The following CERK variants were observed in gnomAD, a reference collection of about 807,000 sequenced individuals.
CERK encodes acylsphingosine kinase.
CERK carries 39 observed loss-of-function variants against 63.4 expected under a neutral mutation model. That is an observed-to-expected ratio of 0.61 (90% CI 0.48 to 0.80). The LOEUF is 0.80. CERK is among the 30% of genes least tolerant of loss of function. The pLI is 0.00. For synonymous variants in CERK, 302 were observed against 280.0 expected, an observed-to-expected ratio of 1.08 and a Z score of -0.78; for missense variants, 670 against 714.1, an observed-to-expected ratio of 0.94 and a Z score of 0.70.
chr22:46,729,939 T>A (rs1346183941), intron 1 of CERK, among the ~76,000 whole-genome samples: 2 of 151,854 alleles, frequency 1.3e-5, no homozygotes, highest in African/African-American at 4.8e-5. Context: ...CTCAGGAGGC[T>A]GAGGCAGGAG....
intron 12 of CERK, among the ~76,000 whole-genome samples, chr22:46,689,434 G>A (rs2082718988): frequency 6.6e-6 from 1 of 152,224 alleles, no homozygotes; most frequent in Non-Finnish European, 1.5e-5. Context: ...GCAGTGGCAT[G>A]GTCTCGGCTC....
chr22:46,710,418 ACT>A (rs1431565051), intron 5 of CERK, among the ~76,000 whole-genome samples: 2 of 151,170 alleles, frequency 1.3e-5, no homozygotes, highest in Non-Finnish European at 2.9e-5. Flanking sequence ...CAAGAGCGAA[ACT>A]CTGCCTCAAA....
At chr22:46,706,069 T>C (rs1162566892) in intron 6 of CERK, among the ~76,000 whole-genome samples, 1 of 152,228 alleles carries the variant, frequency 6.6e-6, no homozygotes, top group Non-Finnish European at 1.5e-5. Context: ...TCTGTGCACC[T>C]TCAGGGGCTG....
chr22:46,697,755 T>C (rs2082763426), intron 8 of CERK, among the ~76,000 whole-genome samples: 1 of 152,224 alleles, frequency 6.6e-6, no homozygotes, highest in Admixed American at 6.5e-5. Context: ...TCCACCTGCC[T>C]TGACCTCCCA....
At chr22:46,707,817 C>A (rs776216685) in intron 6 of CERK, 26 bp downstream of exon 6, 3 of 1,590,160 alleles carry the variant, frequency 1.9e-6, no homozygotes, top group Admixed American at 1.7e-5. Flanking sequence ...ACGAAGAGAA[C>A]AGAGAATGCC....
At chr22:46,702,001 T>G (rs1204084972) in intron 6 of CERK, among the ~76,000 whole-genome samples, 1 of 151,840 alleles carries the variant, frequency 6.6e-6, no homozygotes, top group Non-Finnish European at 1.5e-5. Flanking sequence ...GCCAACATGG[T>G]GAAACTCCGA....
In CERK at chr22:46,689,400, T is replaced by C. The variant is rs999995047; in HGVS notation, c.1541+592A>G. ...TTTGAAATTTTTTTGAGATGGAGTCTCGCTCTGTCACCAAGGCTGGAGTGC... is the reference window on the plus strand; with the variant it reads ...TTTGAAATTTTTTTGAGATGGAGTCCCGCTCTGTCACCAAGGCTGGAGTGC... On this transcript the variant is annotated intron_variant, in intron 12 of 12. Coordinates refer to ENST00000216264, the MANE Select transcript of CERK (RefSeq NM_022766.6). 2.0e-5 allele frequency among the ~76,000 whole-genome samples: 3 copies of C among 152,226 alleles called. 1 individual carries two copies. The highest frequency in any genetic ancestry group is 4.4e-5 in the Non-Finnish European group (3 of 68,038).
chr22:46,724,865 C>A (rs1244782062), intron 1 of CERK, among the ~76,000 whole-genome samples: 2 of 151,914 alleles, frequency 1.3e-5, no homozygotes, highest in East Asian at 1.9e-4. Context: ...TAAAAATACA[C>A]AAAAAATTAG....
At chr22:46,706,232 C>T (rs1404751035) in intron 6 of CERK, among the ~76,000 whole-genome samples, 1 of 152,226 alleles carries the variant, frequency 6.6e-6, no homozygotes, top group Admixed American at 6.5e-5. Context: ...GCCAACCTCC[C>T]TGCCTGTGGG....
At chr22:46,711,716 C>T (rs2082842006) in intron 4 of CERK, among the ~76,000 whole-genome samples, 1 of 152,152 alleles carries the variant, frequency 6.6e-6, no homozygotes, top group Admixed American at 6.5e-5. Flanking sequence ...CTGGAAAATA[C>T]TAAGTTATTT....
At chr22:46,711,064 C>A (rs760002956) in intron 5 of CERK, 22 bp downstream of exon 5, 1 of 1,598,622 alleles carries the variant, frequency 6.3e-7, no homozygotes, top group Non-Finnish European at 8.6e-7. Context: ...GACTTGATGG[C>A]GATGAAAGAC....
intron 9 of CERK, among the ~76,000 whole-genome samples, chr22:46,694,673 C>T (rs1186048637): frequency 6.6e-6 from 1 of 152,130 alleles, no homozygotes; most frequent in Non-Finnish European, 1.5e-5. Flanking sequence ...GCGTGGCTGG[C>T]CTGGGCTCTG....
intron 9 of CERK, among the ~76,000 whole-genome samples, chr22:46,694,985 C>T (rs2082748961): frequency 6.6e-6 from 1 of 152,246 alleles, no homozygotes; most frequent in Non-Finnish European, 1.5e-5. Context: ...AGTCCTCATC[C>T]CTGGCACAGC....
intron 1 of CERK, among the ~76,000 whole-genome samples, chr22:46,728,982 G>A (rs990613613): frequency 1.3e-5 from 2 of 152,190 alleles, no homozygotes; most frequent in East Asian, 1.9e-4. Flanking sequence ...CCAGGGCCTC[G>A]GAGGCTGGAC....
Position 46,711,425 on chromosome 22 carries a change from G to C in CERK, c.506-276C>G, listed in dbSNP as rs112380138. Among the ~76,000 whole-genome samples, 1,236 of 152,260 alleles carry C rather than the reference G, an allele frequency of 8.1e-3. 10 individuals carry two copies. The highest frequency in any genetic ancestry group is 0.014 in the Non-Finnish European group (962 of 68,026). Reference sequence around the variant, plus strand: ...GGCAAATAATAATTTCTTTGAAAGAGATTACGTCTCTTTTATAATTTTTCC... The same window carrying C: ...GGCAAATAATAATTTCTTTGAAAGACATTACGTCTCTTTTATAATTTTTCC... On this transcript the variant is annotated intron_variant, in intron 4 of 12. Coordinates refer to ENST00000216264, the MANE Select transcript of CERK (RefSeq NM_022766.6).
Position 46,709,497 on chromosome 22 carries a change from AG to A in CERK, c.570-1510del, listed in dbSNP as rs1441586402. On this transcript the variant is annotated intron_variant, in intron 5 of 12. Coordinates refer to ENST00000216264, the MANE Select transcript of CERK (RefSeq NM_022766.6). Reference sequence around the variant, plus strand: ...ATGAACAGAACACTCCCGCATTAGGAGGGGAGCAAAGGGGTCTCCCTGTCAG... The same window carrying A: ...ATGAACAGAACACTCCCGCATTAGGAGGGAGCAAAGGGGTCTCCCTGTCAG... Among the ~76,000 whole-genome samples the A allele has an allele frequency of 2.6e-5, 4 of 152,146 alleles. No homozygotes were observed. In the East Asian group the frequency reaches 7.7e-4, roughly 29 times the overall value.
chr22:46,718,265 T>A (rs1278112468), intron 3 of CERK, among the ~76,000 whole-genome samples: 5 of 152,176 alleles, frequency 3.3e-5, no homozygotes, highest in Non-Finnish European at 7.3e-5. Flanking sequence ...TTCAGAGGAC[T>A]TTCTCTTGGA....
chr22:46,692,292 G>A (rs185945517), intron 10 of CERK, among the ~76,000 whole-genome samples: 317 of 151,936 alleles, frequency 2.1e-3, no homozygotes, highest in Non-Finnish European at 1.5e-3. Flanking sequence ...CAGGCGTGGC[G>A]GTGCATGCCT....
chr22:46,697,067 T>C (rs1366817365), intron 8 of CERK, among the ~76,000 whole-genome samples: 2 of 152,208 alleles, frequency 1.3e-5, no homozygotes, highest in African/African-American at 4.8e-5. Flanking sequence ...ACTTTGCCAT[T>C]TCTTAGGTTT....
Sources: allele counts gnomAD v4.1 joint callset (sites outside exome capture counted in the v4.1 genomes callset), GRCh38; gene constraint gnomAD v4.1.1; transcripts MANE v1.5; gene names NCBI Gene and HGNC (gene_info 2026-07-23, HGNC 2026-07-21).